The following HPSE2 variants were observed in gnomAD, a reference collection of about 807,000 sequenced individuals.
HPSE2 encodes the protein inactive heparanase-2.
A neutral mutation model predicts 60.5 loss-of-function variants in HPSE2; 38 were observed. The ratio of observed to expected loss-of-function variants is 0.63; its 90% CI spans 0.48 to 0.82. HPSE2 has a LOEUF of 0.82. Ranked by LOEUF, HPSE2 falls within the 40% of genes least tolerant of loss-of-function variation. HPSE2 has a pLI of 0.00. For synonymous variants in HPSE2, 295 were observed against 293.2 expected (o/e 1.01, Z -0.06); for missense variants, 713 against 740.4 (o/e 0.96, Z 0.43).
In HPSE2 at chr10:98,475,814, T is replaced by C. The variant is rs539543148; in HGVS notation, c.1613+6822A>G. ...CTAGAATTCTGTGATTGGGAGACAG[T>C]CTTAGAAGTAGCTCAGAGAAGAACT... On this transcript the variant is annotated intron_variant, in intron 11 of 11. Coordinates refer to ENST00000370552, the MANE Select transcript of HPSE2 (RefSeq NM_021828.5). Among the ~76,000 whole-genome samples the C allele has an allele frequency of 3.3e-5, 5 of 152,288 alleles. No individual in the cohort carries two copies. In the South Asian group the frequency reaches 1.0e-3, roughly 32 times the overall value.
chr10:98,765,516 A>G (rs1318829145), intron 3 of HPSE2, among the ~76,000 whole-genome samples: 8 of 152,210 alleles, frequency 5.3e-5, no homozygotes, highest in Non-Finnish European at 8.8e-5. Context: ...CAGTGCTTAC[A>G]GGAAAATTGA....
At chr10:99,113,983 A>C (rs1844575359) in intron 3 of HPSE2, among the ~76,000 whole-genome samples, 1 of 152,168 alleles carries the variant, frequency 6.6e-6, no homozygotes, top group South Asian at 2.1e-4. Context: ...TATTTAATCC[A>C]ATTTATTTTC....
At chr10:98,722,203 T>C (rs1188127653) in intron 4 of HPSE2, among the ~76,000 whole-genome samples, 1 of 148,564 alleles carries the variant, frequency 6.7e-6, no homozygotes, top group East Asian at 2.0e-4. Context: ...TAATTAGTTA[T>C]GATAAGGTCA....
At chr10:98,725,317 C>G (rs1043873518) in intron 4 of HPSE2, among the ~76,000 whole-genome samples, 4 of 152,018 alleles carry the variant, frequency 2.6e-5, no homozygotes, top group African/African-American at 7.2e-5. Flanking sequence ...CAGAACAGAG[C>G]CCTCAGAAAT....
At position 98,938,703 on chromosome 10, in the gene HPSE2, C is replaced by A. The variant is rs565752419; in HGVS notation, c.611-194647G>T. Among the ~76,000 whole-genome samples the A allele has an allele frequency of 1.5e-4, 22 of 143,698 alleles. 6 individuals are homozygous for A. Among genetic ancestry groups the A allele is most frequent in the African/African-American group, 6.2e-4 (22 of 35,366 alleles). The allele number at this position is 143,698 out of a possible 152,430, so 94.3% of individuals were successfully genotyped here. A position where few individuals can be genotyped will look rare whatever the true frequency, so the allele number is the denominator to read the frequency against. ...AGAACTTCCCCAATCTAGCAAGGCACGCCAACATTCAGACTCAGGAAATAC... is the reference window on the plus strand; with the variant it reads ...AGAACTTCCCCAATCTAGCAAGGCAAGCCAACATTCAGACTCAGGAAATAC... On this transcript the variant is annotated intron_variant, in intron 3 of 11. Coordinates refer to ENST00000370552, the MANE Select transcript of HPSE2 (RefSeq NM_021828.5).
chr10:98,673,623 A>C (rs532043112), intron 6 of HPSE2, among the ~76,000 whole-genome samples: 2 of 152,238 alleles, frequency 1.3e-5, no homozygotes, highest in South Asian at 4.1e-4. Context: ...TCTTCTTTGG[A>C]CCAGGTGTTT....
At chr10:98,791,205 T>C (rs779578024) in intron 3 of HPSE2, among the ~76,000 whole-genome samples, 15 of 152,166 alleles carry the variant, frequency 9.9e-5, no homozygotes, top group South Asian at 4.1e-4. Flanking sequence ...GAAGATATAA[T>C]GAATGCTGGA....
intron 3 of HPSE2, among the ~76,000 whole-genome samples, chr10:98,852,451 G>T (rs781751401): frequency 6.6e-6 from 1 of 152,100 alleles, no homozygotes; most frequent in Non-Finnish European, 1.5e-5. Flanking sequence ...GGGCTCAAGT[G>T]GTCCTCTGGC....
chr10:98,930,668 A>G lies in HPSE2; in HGVS notation c.611-186612T>C, dbSNP rs190030601. Among the ~76,000 whole-genome samples, 99 of 144,690 alleles carry G rather than the reference A, an allele frequency of 6.8e-4. 6 individuals are homozygous for G. The East Asian group carries it at 0.018, about 26-fold the overall frequency. The allele number at this position is 144,690 out of a possible 152,430, so 94.9% of individuals were successfully genotyped here. A position where few individuals can be genotyped will look rare whatever the true frequency, so the allele number is the denominator to read the frequency against. On this transcript the variant is annotated intron_variant, in intron 3 of 11. Coordinates refer to ENST00000370552, the MANE Select transcript of HPSE2 (RefSeq NM_021828.5). ...ATCTGTTGTTTCCTAACTTTTTAAC[A>G]ATCGCCATTCTGGCTGGCCTGAGAT...
intron 9 of HPSE2, among the ~76,000 whole-genome samples, chr10:98,608,418 C>G (rs1218872898): frequency 6.6e-6 from 1 of 152,174 alleles, no homozygotes; most frequent in Non-Finnish European, 1.5e-5. Flanking sequence ...ACCGCTCAGG[C>G]TGATAAATAA....
chr10:98,773,950 G>C (rs1484218942), intron 3 of HPSE2, among the ~76,000 whole-genome samples: 1 of 152,022 alleles, frequency 6.6e-6, no homozygotes, highest in Non-Finnish European at 1.5e-5. Context: ...CCACCTACTG[G>C]GGGGCTGAGG....
chr10:98,886,588 G>A (rs560585101), intron 3 of HPSE2, among the ~76,000 whole-genome samples: 3 of 151,834 alleles, frequency 2.0e-5, no homozygotes, highest in South Asian at 4.2e-4. Flanking sequence ...AGATTCAAAG[G>A]AGAGAGAGAA....
At chr10:98,596,811 A>G (rs1945252025) in intron 9 of HPSE2, among the ~76,000 whole-genome samples, 1 of 152,126 alleles carries the variant, frequency 6.6e-6, no homozygotes, top group East Asian at 1.9e-4. Flanking sequence ...TGACAATTTA[A>G]TTATAATATA....
the HPSE2 span, among the ~76,000 whole-genome samples, chr10:99,290,317 T>C: frequency 6.6e-6 from 1 of 152,196 alleles, no homozygotes; most frequent in Non-Finnish European, 1.5e-5. Context: ...TTCATCTCTG[T>C]GTCCCTAGTA....
chr10:98,833,039 T>G (rs1264291643), intron 3 of HPSE2, among the ~76,000 whole-genome samples: 1 of 152,206 alleles, frequency 6.6e-6, no homozygotes, highest in Non-Finnish European at 1.5e-5. Flanking sequence ...CTGCATAAAA[T>G]CTTGTTCTTA....
At chr10:98,953,450 C>G (rs1331811040) in intron 3 of HPSE2, among the ~76,000 whole-genome samples, 1 of 152,160 alleles carries the variant, frequency 6.6e-6, no homozygotes, top group Admixed American at 6.5e-5. Flanking sequence ...ACTCAGCCAT[C>G]TCACCACATC....
rs544209581 is a variant in HPSE2, at chr10:98,658,102, C to T, written c.1005-16162G>A. 2.6e-5 allele frequency among the ~76,000 whole-genome samples: 4 copies of T among 152,138 alleles called. No homozygotes were observed. In the South Asian group the frequency reaches 8.3e-4, roughly 32 times the overall value. ...TATATGGTTTGAGGGTGGGGAGGATCAGAAAAGTGGAGGCAGTTTTGGGGT... is the reference window on the plus strand; with the variant it reads ...TATATGGTTTGAGGGTGGGGAGGATTAGAAAAGTGGAGGCAGTTTTGGGGT... On this transcript the variant is annotated intron_variant, in intron 6 of 11. Coordinates refer to ENST00000370552, the MANE Select transcript of HPSE2 (RefSeq NM_021828.5).
intron 2 of HPSE2, among the ~76,000 whole-genome samples, chr10:99,152,899 G>C (rs764977065): frequency 3.3e-5 from 5 of 152,220 alleles, no homozygotes; most frequent in South Asian, 2.1e-4. Flanking sequence ...TGCGCGCATC[G>C]TGCGCGAGCC....
intron 3 of HPSE2, among the ~76,000 whole-genome samples, chr10:98,849,396 A>C (rs1952113760): frequency 6.6e-6 from 1 of 152,248 alleles, no homozygotes; most frequent in Non-Finnish European, 1.5e-5. Context: ...ATATAATTTA[A>C]CACCATCATT....
Sources: allele counts gnomAD v4.1 joint callset (sites outside exome capture counted in the v4.1 genomes callset), GRCh38; gene constraint gnomAD v4.1.1; transcripts MANE v1.5; gene names NCBI Gene and HGNC (gene_info 2026-07-23, HGNC 2026-07-21).